The following KCNIP4 variants were observed in gnomAD, a reference collection of about 807,000 sequenced individuals.
The protein encoded by KCNIP4 is potassium voltage-gated channel interacting protein 4, also known as Kv channel-interacting protein 4.
Under a neutral mutation model 34.0 loss-of-function variants are expected in KCNIP4, and 12 were observed. That is an observed-to-expected ratio of 0.35 (90% CI 0.23 to 0.57). The LOEUF is 0.57. Ranked by LOEUF, KCNIP4 falls within the 20% of genes least tolerant of loss-of-function variation. The pLI is 0.83. For missense variants in KCNIP4, 238 were observed against 311.7 expected (o/e 0.76, Z 1.78); for synonymous variants, 124 against 102.2 (o/e 1.21, Z -1.29).
intron 1 of KCNIP4, among the ~76,000 whole-genome samples, chr4:21,383,361 T>C (rs899910375): frequency 6.6e-6 from 1 of 151,508 alleles, no homozygotes; most frequent in Non-Finnish European, 1.5e-5. Flanking sequence ...GAGATAAAGG[T>C]GCAAAAAGAG....
chr4:21,107,655 G>A (rs1357032914), intron 1 of KCNIP4, among the ~76,000 whole-genome samples: 1 of 150,964 alleles, frequency 6.6e-6, no homozygotes, highest in African/African-American at 2.5e-5. Flanking sequence ...ATGTTAGCTG[G>A]TTATTTTGCT....
intron 1 of KCNIP4, among the ~76,000 whole-genome samples, chr4:21,023,639 C>T (rs761803703): frequency 3.3e-5 from 5 of 152,074 alleles, no homozygotes; most frequent in African/African-American, 4.8e-5. Flanking sequence ...CACAGTGGCT[C>T]ATACCTGTGA....
intron 1 of KCNIP4, among the ~76,000 whole-genome samples, chr4:21,568,991 AC>A (rs1217683070): frequency 6.6e-6 from 1 of 152,018 alleles, no homozygotes; most frequent in Non-Finnish European, 1.5e-5. Context: ...ACCACCAGAT[AC>A]TAGGGAAGAG....
chr4:21,671,252 G>A (rs767467015), intron 1 of KCNIP4, among the ~76,000 whole-genome samples: 8 of 152,112 alleles, frequency 5.3e-5, no homozygotes, highest in Non-Finnish European at 8.8e-5. Flanking sequence ...AAGAATGGCT[G>A]GCTATGAAGG....
chr4:21,676,771 G>C (rs1266310588), intron 1 of KCNIP4, among the ~76,000 whole-genome samples: 1 of 151,996 alleles, frequency 6.6e-6, no homozygotes, highest in Admixed American at 6.6e-5. Context: ...CAGTAAAGTT[G>C]GAAAATATAT....
At chr4:21,919,021 A>T (rs1728800010) in intron 1 of KCNIP4, among the ~76,000 whole-genome samples, 1 of 152,144 alleles carries the variant, frequency 6.6e-6, no homozygotes, top group African/African-American at 2.4e-5. Flanking sequence ...TATAAGACAG[A>T]ACAAGAGGCC....
chr4:21,825,004 G>A (rs1054730257), intron 1 of KCNIP4, among the ~76,000 whole-genome samples: 1 of 152,090 alleles, frequency 6.6e-6, no homozygotes, highest in Non-Finnish European at 1.5e-5. Context: ...TACAGAAAAA[G>A]CTAAATGATA....
chr4:21,030,318 T>A (rs1387119367), intron 1 of KCNIP4, among the ~76,000 whole-genome samples: 5 of 152,106 alleles, frequency 3.3e-5, no homozygotes, highest in African/African-American at 1.2e-4. Flanking sequence ...TGTCACCATC[T>A]CCCATTACCC....
At chr4:20,893,304 T>C (rs971248082) in intron 1 of KCNIP4, among the ~76,000 whole-genome samples, 8 of 152,206 alleles carry the variant, frequency 5.3e-5, no homozygotes, top group Admixed American at 5.2e-4. Context: ...ACATTAAAGC[T>C]AACATTTATG....
At chr4:21,206,722 T>C (rs1756877924) in intron 1 of KCNIP4, among the ~76,000 whole-genome samples, 1 of 152,230 alleles carries the variant, frequency 6.6e-6, no homozygotes, top group South Asian at 2.1e-4. Context: ...TTATCTGATT[T>C]GCTCATCAGA....
At chr4:21,235,211 G>T (rs1759267946) in intron 1 of KCNIP4, among the ~76,000 whole-genome samples, 1 of 152,096 alleles carries the variant, frequency 6.6e-6, no homozygotes, top group South Asian at 2.1e-4. Context: ...CTAAATTTCT[G>T]TTGAGGTTAA....
At chr4:21,792,347 G>A (rs1465618984) in intron 1 of KCNIP4, among the ~76,000 whole-genome samples, 1 of 152,040 alleles carries the variant, frequency 6.6e-6, no homozygotes, top group Non-Finnish European at 1.5e-5. Flanking sequence ...ACTACACTCT[G>A]CTTCTGTGAT....
intron 1 of KCNIP4, among the ~76,000 whole-genome samples, chr4:20,982,301 G>C (rs543695841): frequency 2.0e-4 from 30 of 152,136 alleles, no homozygotes; most frequent in Non-Finnish European, 3.8e-4. Context: ...TAAGTCCAGA[G>C]AACCAAAACG....
chr4:21,650,224 A>G (rs1324916153), intron 1 of KCNIP4, among the ~76,000 whole-genome samples: 1 of 152,196 alleles, frequency 6.6e-6, no homozygotes, highest in Non-Finnish European at 1.5e-5. Context: ...CCCTTAATGC[A>G]TGTTCTGCTA....
intron 4 of KCNIP4, chr4:20,752,815 G>C (rs918916430): frequency 1.3e-5 from 2 of 152,186 alleles, no homozygotes; most frequent in South Asian, 4.1e-4. Context: ...ATGACGAAAA[G>C]AGAAACTGTC....
chr4:21,834,135 A>T (rs1406231566), intron 1 of KCNIP4, among the ~76,000 whole-genome samples: 1 of 152,142 alleles, frequency 6.6e-6, no homozygotes, highest in Admixed American at 6.5e-5. Flanking sequence ...GAAGAAAGTC[A>T]TTGGTAGCTT....
At chr4:21,887,010 A>C (rs968787419) in intron 1 of KCNIP4, among the ~76,000 whole-genome samples, 1 of 152,180 alleles carries the variant, frequency 6.6e-6, no homozygotes, top group Non-Finnish European at 1.5e-5. Flanking sequence ...TCTACTAAGC[A>C]GCAAGCTATT....
At chr4:21,131,066 C>T (rs188502582) in intron 1 of KCNIP4, among the ~76,000 whole-genome samples, 196 of 152,144 alleles carry the variant, frequency 1.3e-3, no homozygotes, top group Non-Finnish European at 1.8e-3. Flanking sequence ...GGTCAGGGAA[C>T]GTATTTCTGT....
chr4:21,806,788 T>C (rs1721323987), intron 1 of KCNIP4, among the ~76,000 whole-genome samples: 1 of 152,164 alleles, frequency 6.6e-6, no homozygotes, highest in African/African-American at 2.4e-5. Context: ...TAGGAATCTA[T>C]AGACATTAAA....
Sources: allele counts gnomAD v4.1 joint callset (sites outside exome capture counted in the v4.1 genomes callset), GRCh38; gene constraint gnomAD v4.1.1; transcripts MANE v1.5; gene names NCBI Gene and HGNC (gene_info 2026-07-23, HGNC 2026-07-21).